The following ACSS1 variants were observed in gnomAD, a reference collection of about 807,000 sequenced individuals.
ACSS1 encodes the protein acyl-CoA synthetase short chain family member 1.
Under a neutral mutation model 75.3 loss-of-function variants are expected in ACSS1, and 42 were observed. The observed-to-expected ratio is 0.56, with a 90% CI of 0.44 to 0.72. The LOEUF is 0.72. Among genes scored for constraint, ACSS1 ranks in the 30% least tolerant of loss-of-function variants. The pLI is 0.00. For synonymous variants in ACSS1, 380 were observed against 376.8 expected (o/e 1.01, Z -0.10); for missense variants, 782 against 935.7 (o/e 0.84, Z 2.14).
intron 7 of ACSS1, among the ~76,000 whole-genome samples, chr20:25,015,462 A>AT (rs1296491561): frequency 1.4e-4 from 21 of 151,920 alleles, no homozygotes; most frequent in Non-Finnish European, 3.1e-4. Flanking sequence ...CACCCGGCTA[A>AT]TTTTTTGTAT....
chr20:25,039,789 C>T (rs184232061), intron 2 of ACSS1, among the ~76,000 whole-genome samples: 162 of 152,404 alleles, frequency 1.1e-3, no homozygotes, highest in Non-Finnish European at 1.7e-3. Context: ...TTCCTGTTAA[C>T]GCCTGGTTTT....
chr20:25,046,485 C>A, intron 2 of ACSS1: 1 of 360,452 alleles, frequency 2.8e-6, no homozygotes, highest in African/African-American at 2.1e-5. Flanking sequence ...AACCTGCCTG[C>A]CCCAGGGTCC....
At chr20:25,057,252 G>A (rs1293489830) in intron 1 of ACSS1, among the ~76,000 whole-genome samples, 1 of 152,186 alleles carries the variant, frequency 6.6e-6, no homozygotes, top group Non-Finnish European at 1.5e-5. Flanking sequence ...TCCTCCCCAG[G>A]TCGCCCGCCA....
chr20:25,030,728 G>A, intron 3 of ACSS1, 31 bp downstream of exon 3: 1 of 1,611,594 alleles, frequency 6.2e-7, no homozygotes. Context: ...GGAACTCCAG[G>A]GTTCCTCCCT....
intron 12 of ACSS1, chr20:25,010,531 A>G (rs1387093341): frequency 1.3e-5 from 2 of 152,262 alleles, no homozygotes; most frequent in African/African-American, 4.8e-5. Flanking sequence ...TTCATCCCTC[A>G]AGACTCAGTT....
chr20:25,027,891 A>C (rs556299847), intron 3 of ACSS1, among the ~76,000 whole-genome samples: 78 of 152,282 alleles, frequency 5.1e-4, no homozygotes, highest in African/African-American at 1.6e-3. Flanking sequence ...AATCCACAAA[A>C]AAACTATTTA....
chr20:25,009,341 C>T lies in ACSS1; in HGVS notation c.1819G>A (p.Val607Met), dbSNP rs2122574997. The T allele has an allele frequency of 1.2e-6, 2 of 1,614,222 alleles. No individual in the cohort carries two copies. The highest frequency in any genetic ancestry group is 8.5e-7 in the Non-Finnish European group (1 of 1,180,042). The change falls in exon 13 of 14, where the codon GTG (valine) becomes ATG (methionine). Residue 607 changes from valine (V) to methionine (M), a missense_variant. By Grantham distance (21) the Val-to-Met change is conservative. Coordinates refer to ENST00000323482, the MANE Select transcript of ACSS1 (RefSeq NM_032501.4). Reference protein sequence around the residue: ...VVKDSAGDSDVVVQELKSMVA... With the variant: ...VVKDSAGDSDMVVQELKSMVA... ...ATGGACTTGAGCTCCTGCACCACCACATCTGAGTCACCCGCACTATCTTTC... is the reference window on the plus strand; with the variant it reads ...ATGGACTTGAGCTCCTGCACCACCATATCTGAGTCACCCGCACTATCTTTC...
At chr20:25,056,122 C>G (rs1051016209) in intron 1 of ACSS1, among the ~76,000 whole-genome samples, 1 of 152,186 alleles carries the variant, frequency 6.6e-6, no homozygotes, top group Admixed American at 6.5e-5. Context: ...TGATCCTGAC[C>G]GAGCGAGGTT....
intron 6 of ACSS1, 32 bp from the exon 7 acceptor site, chr20:25,020,179 G>A (rs370115997): frequency 1.5e-5 from 25 of 1,613,288 alleles, no homozygotes; most frequent in Non-Finnish European, 1.9e-5. Flanking sequence ...CTGTCAGCAG[G>A]AGAGCTGACA....
intron 3 of ACSS1, among the ~76,000 whole-genome samples, chr20:25,026,138 G>T (rs971594733): frequency 2.0e-5 from 3 of 152,192 alleles, no homozygotes; most frequent in Non-Finnish European, 4.4e-5. Flanking sequence ...CCAGGCCAGG[G>T]GACTGAACTC....
intron 13 of ACSS1, among the ~76,000 whole-genome samples, chr20:25,008,976 TG>T (rs1201400804): frequency 2.6e-5 from 4 of 151,834 alleles, no homozygotes; most frequent in African/African-American, 9.7e-5. Flanking sequence ...CTCCCAGACA[TG>T]TGAGCTTACT....
At chr20:25,032,910 G>A (rs113297040) in intron 2 of ACSS1, among the ~76,000 whole-genome samples, 2 of 152,330 alleles carry the variant, frequency 1.3e-5, no homozygotes, top group South Asian at 2.1e-4. Context: ...TGGCTCCAGC[G>A]GCCTCTTCTG....
Position 25,025,897 on chromosome 20 carries a change from G to C in ACSS1, c.632-2256C>G, listed in dbSNP as rs1054452298. On this transcript the variant is annotated intron_variant, in intron 3 of 13. Coordinates refer to ENST00000323482, the MANE Select transcript of ACSS1 (RefSeq NM_032501.4). ...ATGTGGGATTAGATGGAGCCCACCT[G>C]GATATCCTATTGCCTTATTCATATG... Among the ~76,000 whole-genome samples the C allele has an allele frequency of 2.0e-5, 3 of 152,250 alleles. No individual in the cohort carries two copies. The East Asian group carries it at 5.8e-4, about 29-fold the overall frequency.
intron 10 of ACSS1, among the ~76,000 whole-genome samples, 200 bp downstream of exon 10, chr20:25,013,336 T>C (rs1309765503): frequency 6.6e-6 from 1 of 152,136 alleles, no homozygotes; most frequent in Non-Finnish European, 1.5e-5. Flanking sequence ...GAGTGGGGAA[T>C]CACTCCCACT....
chr20:25,049,636 C>T (rs972830459), intron 1 of ACSS1, among the ~76,000 whole-genome samples: 1 of 152,164 alleles, frequency 6.6e-6, no homozygotes, highest in Non-Finnish European at 1.5e-5. Flanking sequence ...GGAAGGCAAA[C>T]CCTGGGAAGT....
At chr20:25,056,860 C>A (rs560330443) in intron 1 of ACSS1, among the ~76,000 whole-genome samples, 4 of 152,218 alleles carry the variant, frequency 2.6e-5, no homozygotes, top group African/African-American at 9.7e-5. Context: ...ACACCCAGGC[C>A]CACCCTGCAT....
rs1214724857 is a variant in ACSS1 at position 25,057,830 on chromosome 20, C to A, written c.273G>T (p.Trp91Cys). 3.1e-6 allele frequency: 5 copies of A among 1,610,124 alleles called. No individual in the cohort carries two copies. In the Admixed American group the frequency reaches 6.7e-5, roughly 22 times the overall value. The change falls in exon 1 of 14, where the codon TGG (tryptophan) becomes TGT (cysteine). Residue 91 changes from tryptophan to cysteine, a missense_variant. By Grantham distance (215) the Trp-to-Cys change is radical. Coordinates refer to ENST00000323482, the MANE Select transcript of ACSS1 (RefSeq NM_032501.4). ...LVWDTPYHTV[W>C]DCDFSTGKIG... ...TCTTGCCAGTGCTGAAGTCGCAGTC[C>A]CAGACGGTGTGGTAGGGGGTGTCCC...
intron 2 of ACSS1, chr20:25,032,659 G>A: frequency 7.4e-6 from 9 of 1,217,556 alleles, no homozygotes; most frequent in Non-Finnish European, 8.2e-6. Flanking sequence ...CGCTCGCAGC[G>A]TGTTTGCATA....
At chr20:25,026,282 G>A (rs1399184274) in intron 3 of ACSS1, among the ~76,000 whole-genome samples, 1 of 152,162 alleles carries the variant, frequency 6.6e-6, no homozygotes, top group Non-Finnish European at 1.5e-5. Context: ...TTATAGAGAA[G>A]CAGGATCCAG....
Sources: allele counts gnomAD v4.1 joint callset (sites outside exome capture counted in the v4.1 genomes callset), GRCh38; gene constraint gnomAD v4.1.1; transcripts MANE v1.5; gene names NCBI Gene and HGNC (gene_info 2026-07-23, HGNC 2026-07-21).